SPTA1: variants seen among roughly 807,000 people sequenced by gnomAD.
SPTA1 encodes the protein spectrin alpha chain, erythrocytic 1.
Under a neutral mutation model 324.7 loss-of-function variants are expected in SPTA1, and 177 were observed. The observed-to-expected ratio is 0.55, with a 90% CI of 0.48 to 0.62. The LOEUF is 0.62. Ranked by LOEUF, SPTA1 falls within the 20% of genes least tolerant of loss-of-function variation. The pLI is 0.00. For synonymous variants in SPTA1, 1,195 were observed against 1,041.3 expected, an observed-to-expected ratio of 1.15 and a Z score of -2.84; for missense variants, 3,162 against 2,883.6, an observed-to-expected ratio of 1.10 and a Z score of -2.21.
chr1:158,684,863 A>T (rs981957790), intron 2 of SPTA1, among the ~76,000 whole-genome samples: 1 of 152,084 alleles, frequency 6.6e-6, no homozygotes, highest in Admixed American at 6.6e-5. Context: ...CAACTGAAAA[A>T]CTGCTGCTTT....
chr1:158,618,548 A>G (rs1328789927), intron 45 of SPTA1, among the ~76,000 whole-genome samples: 1 of 152,210 alleles, frequency 6.6e-6, no homozygotes, highest in African/African-American at 2.4e-5. Context: ...GTATTCTAAT[A>G]TATTACATCT....
chr1:158,636,810 T>G (rs1285821043), intron 36 of SPTA1, 49 bp from the exon 37 acceptor site: 1 of 1,611,760 alleles, frequency 6.2e-7, no homozygotes, highest in South Asian at 1.1e-5. Context: ...ACATCTAATG[T>G]CATCCTACAG....
At chr1:158,649,414 G>A (rs1318343098) in intron 25 of SPTA1, among the ~76,000 whole-genome samples, 3 of 152,076 alleles carry the variant, frequency 2.0e-5, no homozygotes, top group Admixed American at 2.0e-4. Flanking sequence ...CAAGTAGTTG[G>A]GACCATAGGC....
intron 39 of SPTA1, among the ~76,000 whole-genome samples, chr1:158,629,057 T>G (rs182464894): frequency 6.6e-6 from 1 of 151,900 alleles, no homozygotes; most frequent in Non-Finnish European, 1.5e-5. Flanking sequence ...GAGGGAACAT[T>G]TCTAAACACC....
At chr1:158,635,436 T>C (rs1443632893) in intron 38 of SPTA1, among the ~76,000 whole-genome samples, 1 of 152,114 alleles carries the variant, frequency 6.6e-6, no homozygotes. Context: ...TATGAGTGAA[T>C]TAAACTTCTT....
At position 158,612,586 on chromosome 1, in the gene SPTA1, G is replaced by C. The variant is rs1649326128; in HGVS notation, c.7134+231C>G. ...AAAAAAAGAAATAGCCTTAAAAACT[G>C]AGTTGCAGATTTTGAATTGACTCTC... is the stretch of plus-strand genomic sequence containing the variant. On this transcript the variant is annotated intron_variant, in intron 51 of 51. Transcript: ENST00000643759. The C allele has an allele frequency of 1.5e-5, 8 of 537,440 alleles. No homozygotes were observed. The South Asian group carries it at 1.7e-4, about 11-fold the overall frequency. 33.3% of individuals were successfully genotyped at this position (537,440 alleles called of 1,614,324 possible).
In SPTA1 at chr1:158,668,137, T is replaced by C. The variant is rs1557978881; in HGVS notation, c.1834-75A>G. On this transcript the variant is annotated intron_variant, in intron 14 of 51. Coordinates refer to ENST00000643759, the MANE Select transcript of SPTA1 (RefSeq NM_003126.4). ...GACAGAAATTTTGAGAATAAGAGGT[T>C]ACTTCTCACTATAAATCTAACGAAC... The C allele has an allele frequency of 5.5e-6, 8 of 1,466,378 alleles. No homozygotes were observed. The East Asian group carries it at 1.6e-4, about 29-fold the overall frequency. The allele number at this position is 1,466,378 out of a possible 1,614,324, so 90.8% of individuals were successfully genotyped here. A position where few individuals can be genotyped will look rare whatever the true frequency, so the allele number is the denominator to read the frequency against.
At chr1:158,636,901 C>G in intron 36 of SPTA1, 140 bp from the exon 37 acceptor site, 1 of 1,444,310 alleles carries the variant, frequency 6.9e-7, no homozygotes, top group Non-Finnish European at 9.5e-7. Flanking sequence ...TGCCAATGAC[C>G]AAAAATATAA....
chr1:158,677,559 G>T, intron 7 of SPTA1, 131 bp downstream of exon 7: 1 of 1,084,322 alleles, frequency 9.2e-7, no homozygotes, highest in Non-Finnish European at 1.4e-6. Context: ...GCGTATTCAA[G>T]TGCACACAAT....
At chr1:158,644,190 T>C in intron 30 of SPTA1, 63 bp downstream of exon 30, 1 of 1,592,588 alleles carries the variant, frequency 6.3e-7, no homozygotes, top group Non-Finnish European at 8.6e-7. Flanking sequence ...CAGACAAATG[T>C]GTAGGATTTC....
intron 1 of SPTA1, among the ~76,000 whole-genome samples, 177 bp downstream of exon 1, chr1:158,686,317 C>T (rs954729825): frequency 6.6e-6 from 1 of 152,012 alleles, no homozygotes; most frequent in Non-Finnish European, 1.5e-5. Context: ...CTTGGTGCTG[C>T]ACAGACATAA....
At chr1:158,618,824 A>G (rs939840324) in intron 45 of SPTA1, among the ~76,000 whole-genome samples, 8 of 152,234 alleles carry the variant, frequency 5.3e-5, no homozygotes, top group African/African-American at 1.9e-4. Context: ...AACAGAGCTA[A>G]TAAGAGCTGC....
At chr1:158,651,275 G>T in intron 24 of SPTA1, 92 bp downstream of exon 24, 1 of 845,782 alleles carries the variant, frequency 1.2e-6, no homozygotes, top group Non-Finnish European at 2.1e-6. Context: ...GTTCTAGTGG[G>T]TCTGCAGAAT....
rs758771310 is a variant in SPTA1, at chr1:158,651,380, G to T, written c.3464C>A (p.Ala1155Asp). Residue 1155 changes from alanine (A) to aspartate (D), a missense_variant, in exon 24 of 52, where the codon GCT becomes GAT. By Grantham distance (126) the Ala-to-Asp change is moderately radical. Transcript: ENST00000643759. ...AGCCTTAGTTACCTGCCGGATTTGA[G>T]CTCCTTCTGGTGTTAGAAGTCCTTC... ...LFEGLLTPEG[A>D]QIRQELNSRW... is the part of the protein sequence containing the mutation. The T allele has an allele frequency of 6.2e-7, 1 of 1,613,082 alleles. No homozygotes were observed. The highest frequency in any genetic ancestry group is 1.3e-5 in the African/African-American group (1 of 74,878).
intron 36 of SPTA1, among the ~76,000 whole-genome samples, 192 bp from the exon 37 acceptor site, chr1:158,636,953 T>C (rs1029963592): frequency 1.3e-5 from 2 of 152,130 alleles, no homozygotes; most frequent in Non-Finnish European, 1.5e-5. Context: ...ACTGAGCCAA[T>C]ACAAATTAAA....
In SPTA1 at chr1:158,615,380, C is replaced by A. The variant is rs763473161; in HGVS notation, c.6624G>T (p.Ala2208=). ...ANKRKQKEIQ[A]MKRQLTKIVD... ...CAATCTTGGTTAGTTGACGCTTCAT[C>A]GCCTGGATCTCCTTCTGTTTTCTCT... Residue 2208 remains alanine, a synonymous_variant, in exon 48 of 52, where the codon GCG becomes GCT. Coordinates refer to ENST00000643759, the MANE Select transcript of SPTA1 (RefSeq NM_003126.4). The A allele has an allele frequency of 6.8e-6, 11 of 1,614,052 alleles. No homozygotes were observed. Among genetic ancestry groups the A allele is most frequent in the Non-Finnish European group, 9.3e-6 (11 of 1,180,000 alleles).
At chr1:158,630,090 G>A (rs1650573484) in intron 39 of SPTA1, among the ~76,000 whole-genome samples, 1 of 151,730 alleles carries the variant, frequency 6.6e-6, no homozygotes, top group Admixed American at 6.6e-5. Context: ...GATGTACAAG[G>A]TCAATGAAAT....
At chr1:158,640,374 C>T (rs1312265722) in intron 33 of SPTA1, among the ~76,000 whole-genome samples, 1 of 152,108 alleles carries the variant, frequency 6.6e-6, no homozygotes, top group East Asian at 1.9e-4. Context: ...GGCATCACTC[C>T]TTTTCTCCTT....
chr1:158,627,732 A>T lies in SPTA1; in HGVS notation c.5566-9T>A. 5 of 1,610,404 alleles carry T rather than the reference A, an allele frequency of 3.1e-6. No individual in the cohort carries two copies. The highest frequency in any genetic ancestry group is 4.2e-6 in the Non-Finnish European group (5 of 1,179,148). On this transcript the variant is annotated splice_polypyrimidine_tract_variant and intron_variant, in intron 39 of 51. Coordinates refer to ENST00000643759, the MANE Select transcript of SPTA1 (RefSeq NM_003126.4). ...TGCTTCATTAGCAAGCTCTGCATAA[A>T]TAAGTCGGTGAGAATTAAGATATCC...
Sources: gnomAD v4.1 joint callset for allele counts (sites outside exome capture counted in the v4.1 genomes callset) on GRCh38, gnomAD v4.1.1 for gene constraint, MANE v1.5 for transcripts, NCBI Gene and HGNC (gene_info 2026-07-23, HGNC 2026-07-21) for gene names.